Variants in NME9 observed in about 807,000 individuals in gnomAD.
The protein encoded by NME9 is NME/NM23 family member 9.
NME9 carries 48 observed loss-of-function variants against 44.4 expected under a neutral mutation model. That is an observed-to-expected ratio of 1.08 (90% CI 0.86 to 1.37). The LOEUF (loss-of-function observed/expected upper bound fraction) is 1.37, where lower values mean the gene tolerates loss of function less well. Ranked by LOEUF, NME9 falls within the 40% of genes most tolerant of loss-of-function variation. NME9 has a pLI of 0.00. For missense variants in NME9, 325 were observed against 405.2 expected (o/e 0.80, Z 1.70); for synonymous variants, 139 against 147.1 (o/e 0.94, Z 0.40).
At chr3:138,313,571 A>G (rs1031005720) in intron 6 of NME9, among the ~76,000 whole-genome samples, 6 of 152,204 alleles carry the variant, frequency 3.9e-5, no homozygotes, top group Admixed American at 1.3e-4. Flanking sequence ...ACTACTATGT[A>G]TATATCCAAA....
Position 138,303,386 on chromosome 3 carries a change from A to G in NME9, c.928+121T>C. On this transcript the variant is annotated intron_variant, in intron 10 of 10. Coordinates refer to ENST00000333911, the MANE Select transcript of NME9 (RefSeq NM_001349018.2). Reference sequence around the variant, plus strand: ...TAATGACCTGTATTTTCAGAACAGGACTGTATTAGGTTGAAGACTTAGTTA... The same window carrying G: ...TAATGACCTGTATTTTCAGAACAGGGCTGTATTAGGTTGAAGACTTAGTTA... The G allele has an allele frequency of 5.9e-6, 4 of 679,594 alleles. No individual in the cohort carries two copies. The Admixed American group carries it at 6.7e-5, about 11-fold the overall frequency. The allele number at this position is 679,594 out of a possible 1,614,324, so 42.1% of individuals were successfully genotyped here. A position where few individuals can be genotyped will look rare whatever the true frequency, so the allele number is the denominator to read the frequency against.
At chr3:138,295,692 C>G (rs116609942) in intron 8 of NME9, among the ~76,000 whole-genome samples, 1 of 152,198 alleles carries the variant, frequency 6.6e-6, no homozygotes, top group Non-Finnish European at 1.5e-5. Flanking sequence ...AGGTGTCTAC[C>G]CACTGCAGAT....
chr3:138,269,950 A>G, intron 8 of NME9: 1 of 747,132 alleles, frequency 1.3e-6, no homozygotes, highest in South Asian at 2.1e-5. Context: ...AAGAGTGGGG[A>G]AGAAATCACA....
chr3:138,292,959 C>T (rs1041033409), intron 8 of NME9, among the ~76,000 whole-genome samples: 1 of 152,152 alleles, frequency 6.6e-6, no homozygotes, highest in African/African-American at 2.4e-5. Context: ...GATGCCTGGA[C>T]GGTGGCCGTT....
In NME9 at chr3:138,304,860, C is replaced by A. The variant is rs2052118375; in HGVS notation, c.791+13G>T. The A allele has an allele frequency of 4.3e-6, 7 of 1,612,514 alleles. No individual in the cohort carries two copies. Among genetic ancestry groups the A allele is most frequent in the Non-Finnish European group, 5.1e-6 (6 of 1,179,074 alleles). The stretch of plus-strand genomic sequence containing the variant: ...TTTAAGATGGATGAAAGGACCACAG[C>A]TGGTGACATCACCTTTCTGGCTGCT... On this transcript the variant is annotated intron_variant, in intron 9 of 10. Coordinates refer to ENST00000333911, the MANE Select transcript of NME9 (RefSeq NM_001349018.2).
At chr3:138,315,900 C>T (rs569544175) in intron 4 of NME9, among the ~76,000 whole-genome samples, 20 of 152,192 alleles carry the variant, frequency 1.3e-4, no homozygotes, top group South Asian at 8.3e-4. Flanking sequence ...GGCGTGACCT[C>T]GGCTCACTAC....
At chr3:138,287,217 A>G (rs951654769) in intron 8 of NME9, among the ~76,000 whole-genome samples, 1 of 152,240 alleles carries the variant, frequency 6.6e-6, no homozygotes, top group Admixed American at 6.5e-5. Flanking sequence ...AATGAAATCC[A>G]GAGTCCTTAC....
intron 8 of NME9, chr3:138,290,592 T>C: frequency 6.2e-7 from 1 of 1,608,028 alleles, no homozygotes; most frequent in Non-Finnish European, 8.5e-7. Flanking sequence ...GCATCGTAGA[T>C]ATTCTACACA....
chr3:138,305,145 C>T, intron 8 of NME9, 118 bp from the exon 9 acceptor site: 1 of 941,660 alleles, frequency 1.1e-6, no homozygotes, highest in Non-Finnish European at 1.6e-6. Flanking sequence ...TTGCTACCAG[C>T]CAGCATGCCC....
rs1184298652 is a variant in NME9, at chr3:138,315,550, C to G, written c.361G>C (p.Ala121Pro). Residue 121 changes from alanine (A) to proline (P), a missense_variant, in exon 5 of 11, where the codon GCT (alanine) becomes CCT (proline). Transcript: ENST00000333911. ...ACCACTTTCCGTTCTCTGCCTTCAG[C>G]CAGCACTTTCTTTTCGGCCTCCAGC... The part of the protein sequence containing the change: ...DQLEAEKKVL[A>P]EGRERKVIKD... The G allele has an allele frequency of 7.8e-6, 12 of 1,536,328 alleles. 1 individual carries two copies. In the South Asian group the frequency reaches 1.2e-4, roughly 15 times the overall value.
At chr3:138,269,621 A>G (rs1035458345) in intron 8 of NME9, among the ~76,000 whole-genome samples, 2 of 152,148 alleles carry the variant, frequency 1.3e-5, no homozygotes, top group African/African-American at 4.8e-5. Flanking sequence ...ATATTACTTC[A>G]TAGAGTTCGT....
chr3:138,270,007 G>T, intron 8 of NME9: 2 of 1,480,328 alleles, frequency 1.4e-6, no homozygotes, highest in Non-Finnish European at 1.9e-6. Flanking sequence ...GGACTTTAAA[G>T]CTGTGATTTT....
chr3:138,273,591 A>G (rs1233743343), intron 8 of NME9, among the ~76,000 whole-genome samples: 2 of 152,210 alleles, frequency 1.3e-5, no homozygotes, highest in Admixed American at 6.5e-5. Context: ...GTGTCAGAGT[A>G]GGAGAGGCTG....
At chr3:138,292,914 C>T (rs1316791322) in intron 8 of NME9, among the ~76,000 whole-genome samples, 1 of 152,152 alleles carries the variant, frequency 6.6e-6, no homozygotes, top group African/African-American at 2.4e-5. Flanking sequence ...GGCAGAGACT[C>T]AGGCGCATAA....
chr3:138,288,983 C>T, intron 8 of NME9: 1 of 1,405,806 alleles, frequency 7.1e-7, no homozygotes, highest in Non-Finnish European at 9.9e-7. Context: ...GTAGGTCCCC[C>T]CAAAAAAAAA....
chr3:138,288,657 G>A (rs1419869244), intron 8 of NME9, among the ~76,000 whole-genome samples: 1 of 43,280 alleles, frequency 2.3e-5, no homozygotes, highest in Non-Finnish European at 4.4e-5. Context: ...TTTTTTTTTT[G>A]AGACGGAGTC....
Position 138,329,528 on chromosome 3 carries a change from C to T in NME9, c.-193G>A. The T allele has an allele frequency of 1.5e-6, 2 of 1,373,502 alleles. No homozygotes were observed. The highest frequency in any genetic ancestry group is 1.9e-6 in the Non-Finnish European group (2 of 1,066,730). 85.1% of individuals were successfully genotyped at this position (1,373,502 alleles called of 1,614,324 possible). ...GCACACTGATACAAAGTGAACACCC[C>T]GCGAGGAAGCGGAGCCTGCAGTCCA... On this transcript the variant is annotated 5_prime_UTR_variant, in exon 1 of 11. Transcript: ENST00000333911.
chr3:138,317,511 G>A (rs563399567), intron 4 of NME9, among the ~76,000 whole-genome samples: 2 of 152,324 alleles, frequency 1.3e-5, no homozygotes, highest in African/African-American at 4.8e-5. Context: ...CATAGAGCTG[G>A]ACCATGGATG....
chr3:138,316,221 C>T (rs1419978329), intron 4 of NME9, among the ~76,000 whole-genome samples: 1 of 152,122 alleles, frequency 6.6e-6, no homozygotes, highest in Non-Finnish European at 1.5e-5. Context: ...TCAGGGTAAC[C>T]AGCAGTTCAT....
Sources: gnomAD v4.1 joint callset for allele counts (sites outside exome capture counted in the v4.1 genomes callset) on GRCh38, gnomAD v4.1.1 for gene constraint, MANE v1.5 for transcripts, NCBI Gene and HGNC (gene_info 2026-07-23, HGNC 2026-07-21) for gene names.